The following MYO5A variants were observed in gnomAD, a reference collection of about 807,000 sequenced individuals.
MYO5A encodes the protein unconventional myosin-Va.
Under a neutral mutation model 249.7 loss-of-function variants are expected in MYO5A, and 98 were observed. That is an observed-to-expected ratio of 0.39 (90% CI 0.33 to 0.46). The LOEUF (loss-of-function observed/expected upper bound fraction) is 0.46, where lower values mean the gene tolerates loss of function less well. Among genes scored for constraint, MYO5A ranks in the 20% least tolerant of loss-of-function variants. The pLI is 0.98. For missense variants in MYO5A, 1,696 were observed against 2,308.8 expected (o/e 0.73, Z 5.44); for synonymous variants, 778 against 810.6 (o/e 0.96, Z 0.68).
intron 16 of MYO5A, among the ~76,000 whole-genome samples, chr15:52,380,372 G>T (rs2041671592): frequency 6.6e-6 from 1 of 151,964 alleles, no homozygotes; most frequent in Non-Finnish European, 1.5e-5. Flanking sequence ...GGAGGTAGAG[G>T]TTGCAGTGAG....
At chr15:52,317,266 TTG>T (rs754223341) in intron 39 of MYO5A, 44 bp from the exon 40 acceptor site, 6 of 1,595,144 alleles carry the variant, frequency 3.8e-6, no homozygotes, top group Non-Finnish European at 5.1e-6. Flanking sequence ...TTGCTGAATT[TTG>T]TCAAAAATGT....
intron 23 of MYO5A, 91 bp from the exon 24 acceptor site, chr15:52,364,793 G>C (rs1229570239): frequency 6.7e-7 from 1 of 1,487,740 alleles, no homozygotes; most frequent in Non-Finnish European, 9.3e-7. Context: ...TTTCTCTGTA[G>C]GCAATTTTAC....
At chr15:52,512,767 T>C (rs1022802098) in intron 1 of MYO5A, among the ~76,000 whole-genome samples, 3 of 152,216 alleles carry the variant, frequency 2.0e-5, no homozygotes. Context: ...ATGGAACTTC[T>C]TTTGCCATAG....
chr15:52,336,341 T>C, intron 34 of MYO5A, 122 bp downstream of exon 34: 1 of 681,306 alleles, frequency 1.5e-6, no homozygotes, highest in Non-Finnish European at 2.6e-6. Flanking sequence ...CCAAAAGTCA[T>C]ATTTTGTTAT....
rs536816266 is a variant in MYO5A at position 52,315,249 on chromosome 15, C to A, written c.5410-1046G>T. On this transcript the variant is annotated intron_variant, in intron 40 of 41. Transcript: ENST00000399233. ...AAAGTTGGGCTTCCTCCAGGGTATT[C>A]TTACTTTCCACACTTGCAGAAACTG... 8.5e-5 allele frequency among the ~76,000 whole-genome samples: 13 copies of A among 152,290 alleles called. No homozygotes were observed. The East Asian group carries it at 2.3e-3, about 27-fold the overall frequency.
intron 1 of MYO5A, among the ~76,000 whole-genome samples, chr15:52,447,974 T>C (rs143702180): frequency 3.3e-5 from 5 of 152,318 alleles, no homozygotes; most frequent in African/African-American, 7.2e-5. Context: ...ATGGAGAACC[T>C]CTAGTAGGGC....
chr15:52,427,857 C>T (rs2075430841), intron 3 of MYO5A, among the ~76,000 whole-genome samples: 1 of 152,056 alleles, frequency 6.6e-6, no homozygotes, highest in Non-Finnish European at 1.5e-5. Context: ...GGGAAAGGAA[C>T]ACAAACACAC....
At chr15:52,417,698 C>T (rs1265790466) in intron 4 of MYO5A, among the ~76,000 whole-genome samples, 2 of 152,178 alleles carry the variant, frequency 1.3e-5, no homozygotes, top group Admixed American at 6.5e-5. Context: ...CTAGTCATCA[C>T]GGGAGTGGGC....
At chr15:52,485,706 GATA>G (rs1204253659) in intron 1 of MYO5A, among the ~76,000 whole-genome samples, 21 of 151,998 alleles carry the variant, frequency 1.4e-4, no homozygotes, top group Non-Finnish European at 2.9e-4. Context: ...TGTTAAAAAA[GATA>G]ATAACATAAA....
At chr15:52,376,984 G>A (rs576674076) in intron 18 of MYO5A, among the ~76,000 whole-genome samples, 2 of 152,158 alleles carry the variant, frequency 1.3e-5, no homozygotes, top group African/African-American at 4.8e-5. Context: ...AATAAGGCAG[G>A]AAGAAACGTT....
chr15:52,453,710 T>C (rs2076064343), intron 1 of MYO5A, among the ~76,000 whole-genome samples: 1 of 152,252 alleles, frequency 6.6e-6, no homozygotes, highest in South Asian at 2.1e-4. Flanking sequence ...GGGAATGGAA[T>C]TAGATTATAG....
intron 9 of MYO5A, among the ~76,000 whole-genome samples, chr15:52,404,949 T>C (rs2042932266): frequency 6.6e-6 from 1 of 152,088 alleles, no homozygotes; most frequent in Non-Finnish European, 1.5e-5. Flanking sequence ...ATATGATCCC[T>C]AATAGCTTTA....
At chr15:52,390,855 C>A (rs570651503) in intron 12 of MYO5A, among the ~76,000 whole-genome samples, 2 of 152,162 alleles carry the variant, frequency 1.3e-5, no homozygotes, top group South Asian at 2.1e-4. Flanking sequence ...CCATCATGCC[C>A]GGCCTTCTTT....
chr15:52,341,148 TCAGAACTA>T (rs1241365602), intron 31 of MYO5A, among the ~76,000 whole-genome samples: 1 of 152,190 alleles, frequency 6.6e-6, no homozygotes, highest in African/African-American at 2.4e-5. Flanking sequence ...AAATGTGCCT[TCAGAACTA>T]CAGTTACTAA....
At chr15:52,469,622 T>C (rs2076418510) in intron 1 of MYO5A, among the ~76,000 whole-genome samples, 1 of 152,138 alleles carries the variant, frequency 6.6e-6, no homozygotes, top group African/African-American at 2.4e-5. Context: ...TTTCTGTCTT[T>C]TTTGCTTTTC....
chr15:52,508,384 A>G (rs574247599), intron 1 of MYO5A, among the ~76,000 whole-genome samples: 1 of 135,796 alleles, frequency 7.4e-6, no homozygotes, highest in Non-Finnish European at 1.5e-5. Context: ...TTTTATAAGG[A>G]AAAAAAAAAA....
intron 30 of MYO5A, among the ~76,000 whole-genome samples, chr15:52,344,770 C>G (rs1567037964): frequency 6.6e-6 from 1 of 152,204 alleles, no homozygotes; most frequent in Non-Finnish European, 1.5e-5. Context: ...ACCCTCTCAG[C>G]TGTCTCCCCA....
chr15:52,426,589 G>A (rs1451913215), intron 3 of MYO5A, among the ~76,000 whole-genome samples: 1 of 151,934 alleles, frequency 6.6e-6, no homozygotes, highest in African/African-American at 2.4e-5. Flanking sequence ...CAGCCTCCCA[G>A]GTAGCTGGGA....
At chr15:52,342,779 G>A (rs558945889) in intron 31 of MYO5A, among the ~76,000 whole-genome samples, 3 of 152,186 alleles carry the variant, frequency 2.0e-5, no homozygotes, top group Admixed American at 1.3e-4. Context: ...AGTCAGGCAT[G>A]TTGGTGCACG....
Sources: allele counts gnomAD v4.1 joint callset (sites outside exome capture counted in the v4.1 genomes callset), GRCh38; gene constraint gnomAD v4.1.1; transcripts MANE v1.5; gene names NCBI Gene and HGNC (gene_info 2026-07-23, HGNC 2026-07-21).